Variants in DIS3L2 observed in about 807,000 individuals in gnomAD.
DIS3L2 encodes DIS3 like 3'-5' exoribonuclease 2, also known as DIS3-like exonuclease 2.
DIS3L2 carries 34 observed loss-of-function variants against 97.5 expected under a neutral mutation model. The observed-to-expected ratio is 0.35, with a 90% CI of 0.27 to 0.46. The LOEUF is 0.46. Ranked by LOEUF, DIS3L2 falls within the 20% of genes least tolerant of loss-of-function variation. The probability of loss-of-function intolerance (pLI) is 1.00; values close to 1 mark genes in which losing one functional copy is unlikely to be tolerated. For synonymous variants in DIS3L2, 435 were observed against 445.2 expected (o/e 0.98, Z 0.29); for missense variants, 1,038 against 1,146.0 (o/e 0.91, Z 1.36).
chr2:232,170,641 C>G (rs1690958761), intron 9 of DIS3L2, among the ~76,000 whole-genome samples: 1 of 152,128 alleles, frequency 6.6e-6, no homozygotes, highest in African/African-American at 2.4e-5. Flanking sequence ...GTCCTGCCAA[C>G]TAGTGATTTT....
intron 6 of DIS3L2, among the ~76,000 whole-genome samples, chr2:232,116,170 TTAAA>T (rs1170290967): frequency 8.9e-6 from 1 of 111,890 alleles, no homozygotes; most frequent in Non-Finnish European, 1.8e-5. Flanking sequence ...AGACTTGGTC[TTAAA>T]TAAATAAATG....
chr2:232,143,628 G>A (rs1283045868), intron 8 of DIS3L2, among the ~76,000 whole-genome samples: 1 of 151,794 alleles, frequency 6.6e-6, no homozygotes, highest in African/African-American at 2.4e-5. Context: ...TTAAGGTTTT[G>A]GTATACATTT....
chr2:232,061,590 A>G (rs1695707655), intron 5 of DIS3L2, among the ~76,000 whole-genome samples: 1 of 152,116 alleles, frequency 6.6e-6, no homozygotes, highest in South Asian at 2.1e-4. Context: ...TTCAACATTC[A>G]ATCTCATAAG....
chr2:232,059,713 T>G (rs994684998), intron 5 of DIS3L2, among the ~76,000 whole-genome samples: 26 of 152,150 alleles, frequency 1.7e-4, no homozygotes, highest in African/African-American at 5.8e-4. Context: ...AGCCCCCACT[T>G]ATAAGTGAGA....
chr2:232,062,356 A>G (rs1222255415), intron 5 of DIS3L2, among the ~76,000 whole-genome samples: 1 of 152,184 alleles, frequency 6.6e-6, no homozygotes, highest in Non-Finnish European at 1.5e-5. Context: ...CACTGAGTGA[A>G]TGTTTGAATT....
intron 7 of DIS3L2, among the ~76,000 whole-genome samples, chr2:232,132,332 C>T (rs1362554971): frequency 1.3e-5 from 2 of 152,194 alleles, no homozygotes; most frequent in Non-Finnish European, 1.5e-5. Context: ...CTACTTTATA[C>T]GTTTCCGTGC....
In DIS3L2 at chr2:232,136,618, G is replaced by A. The variant is rs376763206; in HGVS notation, c.849G>A (p.Lys283=). Residue 283 remains lysine (K), a synonymous_variant, in exon 8 of 21, where the codon AAG becomes AAA. Coordinates refer to ENST00000325385, the MANE Select transcript of DIS3L2 (RefSeq NM_152383.5). ...TGCCTAGAATTTATGTGCCTCTCAA[G>A]GACTGTCCCCAGGACTTTGTGGCAC... ...HRVPRIYVPL[K]DCPQDFVARP... The A allele has an allele frequency of 8.7e-6, 14 of 1,613,706 alleles. No homozygotes were observed. In the Middle Eastern group the frequency reaches 9.9e-4, roughly 114 times the overall value.
chr2:232,277,367 C>A (rs1464090984), intron 13 of DIS3L2, among the ~76,000 whole-genome samples: 3 of 152,140 alleles, frequency 2.0e-5, no homozygotes, highest in African/African-American at 7.2e-5. Flanking sequence ...TGGAATGTTT[C>A]CAGTTTTTGC....
At chr2:232,275,569 G>A (rs1257022097) in intron 13 of DIS3L2, among the ~76,000 whole-genome samples, 1 of 152,142 alleles carries the variant, frequency 6.6e-6, no homozygotes, top group African/African-American at 2.4e-5. Flanking sequence ...ATTGTAGCAC[G>A]GTTTGTTTTG....
At chr2:232,215,786 G>A (rs1056118392) in intron 10 of DIS3L2, among the ~76,000 whole-genome samples, 1 of 152,188 alleles carries the variant, frequency 6.6e-6, no homozygotes, top group Non-Finnish European at 1.5e-5. Context: ...ATAGGATGGG[G>A]TGGTAGTTGT....
At chr2:232,260,553 C>T (rs1490678328) in intron 12 of DIS3L2, 1 of 152,176 alleles carries the variant, frequency 6.6e-6, no homozygotes, top group Non-Finnish European at 1.5e-5. Context: ...TTATTTGAAT[C>T]CCTTATATCT....
At chr2:232,024,791 T>C (rs542184868) in intron 4 of DIS3L2, among the ~76,000 whole-genome samples, 10 of 152,310 alleles carry the variant, frequency 6.6e-5, no homozygotes, top group Admixed American at 4.6e-4. Context: ...CACTTCACTT[T>C]CGTGCAGGTG....
chr2:231,993,414 A>G (rs949856057), intron 1 of DIS3L2, among the ~76,000 whole-genome samples: 1 of 151,622 alleles, frequency 6.6e-6, no homozygotes, highest in Non-Finnish European at 1.5e-5. Context: ...GGGTTTCGCC[A>G]TGTTGGCCTG....
chr2:231,978,963 A>AG (rs1399884757), intron 1 of DIS3L2, among the ~76,000 whole-genome samples: 2 of 152,182 alleles, frequency 1.3e-5, no homozygotes, highest in Non-Finnish European at 2.9e-5. Flanking sequence ...TATTGATTGT[A>AG]GGTCTTTACA....
intron 19 of DIS3L2, chr2:232,335,400 G>A (rs544932199): frequency 3.1e-4 from 78 of 254,570 alleles, no homozygotes; most frequent in African/African-American, 1.6e-3. Flanking sequence ...TGAAGTTCAA[G>A]CCTAGCTCAC....
chr2:232,314,619 C>T (rs1315410670), intron 14 of DIS3L2, among the ~76,000 whole-genome samples: 4 of 152,218 alleles, frequency 2.6e-5, no homozygotes, highest in Non-Finnish European at 5.9e-5. Flanking sequence ...TCTTAAAGAC[C>T]TTAAAGAGTA....
intron 8 of DIS3L2, among the ~76,000 whole-genome samples, chr2:232,148,684 T>C (rs1690295777): frequency 6.6e-6 from 1 of 151,682 alleles, no homozygotes; most frequent in Non-Finnish European, 1.5e-5. Context: ...TGGTAAAACA[T>C]TGTGTCAGAA....
At chr2:232,317,997 G>A (rs1356172082) in intron 14 of DIS3L2, among the ~76,000 whole-genome samples, 1 of 152,198 alleles carries the variant, frequency 6.6e-6, no homozygotes, top group Non-Finnish European at 1.5e-5. Context: ...GTGGTTGACA[G>A]TGCCCTACCT....
intron 1 of DIS3L2, among the ~76,000 whole-genome samples, chr2:231,980,555 G>T (rs1327977962): frequency 6.6e-6 from 1 of 152,066 alleles, no homozygotes; most frequent in East Asian, 1.9e-4. Flanking sequence ...AAAATCAGCT[G>T]GGCGTGGTGG....
Sources: allele counts gnomAD v4.1 joint callset (sites outside exome capture counted in the v4.1 genomes callset), GRCh38; gene constraint gnomAD v4.1.1; transcripts MANE v1.5; gene names NCBI Gene and HGNC (gene_info 2026-07-23, HGNC 2026-07-21).